Variants in RELN observed in about 807,000 individuals in gnomAD.
RELN encodes the protein reelin.
In RELN, 108 loss-of-function variants were observed where a neutral mutation model predicts 427.6. That is an observed-to-expected ratio of 0.25 (90% CI 0.22 to 0.30). The LOEUF (loss-of-function observed/expected upper bound fraction) is 0.30, where lower values mean the gene tolerates loss of function less well. Ranked by LOEUF, RELN falls within the 10% of genes least tolerant of loss-of-function variation. RELN has a pLI of 1.00. For synonymous variants in RELN, 1,524 were observed against 1,513.4 expected, an observed-to-expected ratio of 1.01 and a Z score of -0.16; for missense variants, 3,715 against 4,302.8, an observed-to-expected ratio of 0.86 and a Z score of 3.82.
intron 1 of RELN, among the ~76,000 whole-genome samples, chr7:103,925,967 CTATTA>C (rs942575875): frequency 6.6e-6 from 1 of 151,950 alleles, no homozygotes; most frequent in South Asian, 2.1e-4. Context: ...TTTTCTGTTT[CTATTA>C]TGTTTTTTTT....
chr7:103,763,070 G>A (rs1182617470), intron 4 of RELN, among the ~76,000 whole-genome samples: 1 of 152,182 alleles, frequency 6.6e-6, no homozygotes, highest in African/African-American at 2.4e-5. Context: ...TACACAGACT[G>A]TATAGAAGTT....
At chr7:103,577,777 G>A (rs550430425) in intron 28 of RELN, among the ~76,000 whole-genome samples, 1 of 152,326 alleles carries the variant, frequency 6.6e-6, no homozygotes, top group Non-Finnish European at 1.5e-5. Flanking sequence ...TGATAAATGA[G>A]GAAAACATGC....
intron 2 of RELN, among the ~76,000 whole-genome samples, chr7:103,869,416 A>C (rs1026979188): frequency 5.3e-5 from 8 of 152,058 alleles, no homozygotes; most frequent in Non-Finnish European, 1.2e-4. Context: ...ATCTAAAAGA[A>C]TGTTGTCTAG....
Position 103,875,855 on chromosome 7 carries a change from T to C in RELN, c.337+41220A>G, listed in dbSNP as rs146240538. ...ATGATTCTGAAATGATTCAAGAGAA[T>C]GAAATTTCCTTGCAGTAAGATGATT... is the stretch of plus-strand genomic sequence containing the variant. On this transcript the variant is annotated intron_variant, in intron 2 of 64. Transcript: ENST00000428762. Among the ~76,000 whole-genome samples, 189 of 152,252 alleles carry C rather than the reference T, an allele frequency of 1.2e-3. 1 individual carries two copies. The highest frequency in any genetic ancestry group is 4.0e-3 in the African/African-American group (165 of 41,568).
At chr7:103,654,570 C>G (rs1441540256) in intron 12 of RELN, among the ~76,000 whole-genome samples, 1 of 152,058 alleles carries the variant, frequency 6.6e-6, no homozygotes, top group African/African-American at 2.4e-5. Context: ...GACCAAAGTT[C>G]AGAACCTGTT....
chr7:103,843,843 A>C (rs1322201514), intron 2 of RELN, among the ~76,000 whole-genome samples: 4 of 152,118 alleles, frequency 2.6e-5, no homozygotes, highest in Non-Finnish European at 5.9e-5. Context: ...CCTGTCTGTA[A>C]TGGAAGCTCT....
Position 103,554,261 on chromosome 7 carries a change from G to T in RELN, c.5798-430C>A, listed in dbSNP as rs116650076. ...GGGAAAAAAAAAACATAAAGTACTT[G>T]TCAGTACTTTGTATATTGTCAGTGA... On this transcript the variant is annotated intron_variant, in intron 38 of 64. Coordinates refer to ENST00000428762, the MANE Select transcript of RELN (RefSeq NM_005045.4). Among the ~76,000 whole-genome samples the T allele has an allele frequency of 7.1e-3, 1,076 of 151,716 alleles. 11 individuals carry two copies. The highest frequency in any genetic ancestry group is 0.025 in the African/African-American group (1,033 of 41,408).
intron 49 of RELN, among the ~76,000 whole-genome samples, chr7:103,516,928 C>T (rs2528865): frequency 0.23 from 34,693 of 151,890 alleles, 5,076 homozygotes; most frequent in East Asian, 0.52. Context: ...ATGCTTTTAG[C>T]TGGATTTATA....
intron 10 of RELN, among the ~76,000 whole-genome samples, chr7:103,689,244 A>G (rs1283970911): frequency 6.6e-6 from 1 of 152,098 alleles, no homozygotes; most frequent in African/African-American, 2.4e-5. Flanking sequence ...CACACAATGA[A>G]CTAGGGTAAT....
intron 2 of RELN, among the ~76,000 whole-genome samples, chr7:103,851,443 T>G (rs1484334410): frequency 1.3e-5 from 2 of 152,102 alleles, no homozygotes; most frequent in Non-Finnish European, 2.9e-5. Context: ...AAGAACTTAC[T>G]CATGTAACAA....
chr7:103,946,673 C>A (rs2116751474), intron 1 of RELN, among the ~76,000 whole-genome samples: 1 of 152,284 alleles, frequency 6.6e-6, no homozygotes. Context: ...AACTGAATAA[C>A]AATAGAGTTG....
intron 46 of RELN, among the ~76,000 whole-genome samples, chr7:103,534,223 C>G (rs1244250546): frequency 6.6e-6 from 1 of 152,182 alleles, no homozygotes; most frequent in Non-Finnish European, 1.5e-5. Flanking sequence ...AACTCCTGTT[C>G]CACACACTGG....
chr7:103,594,936 T>C (rs978813917), intron 25 of RELN, among the ~76,000 whole-genome samples: 1 of 152,206 alleles, frequency 6.6e-6, no homozygotes, highest in Non-Finnish European at 1.5e-5. Flanking sequence ...ATCTACTACA[T>C]AGCGTTGGCT....
chr7:103,597,043 G>A (rs1249576775), intron 24 of RELN, among the ~76,000 whole-genome samples: 1 of 152,174 alleles, frequency 6.6e-6, no homozygotes, highest in African/African-American at 2.4e-5. Context: ...GTTGGAGCTG[G>A]GTTTGAATCT....
chr7:103,472,355 G>C lies in RELN; in HGVS notation c.*457C>G, dbSNP rs1827885477. 1 of 205,190 alleles carries C rather than the reference G, an allele frequency of 4.9e-6. No individual in the cohort carries two copies. The highest frequency in any genetic ancestry group is 1.0e-5 in the Non-Finnish European group (1 of 99,818). The allele number at this position is 205,190 out of a possible 1,614,324, so 12.7% of individuals were successfully genotyped here. A position where few individuals can be genotyped will look rare whatever the true frequency, so the allele number is the denominator to read the frequency against. On this transcript the variant is annotated 3_prime_UTR_variant, in exon 65 of 65. Coordinates refer to ENST00000428762, the MANE Select transcript of RELN (RefSeq NM_005045.4). ...TACAGTTTCAATGTGTTGTATTGTAGAAGAGAATACATAAAGGACAAACAA... is the reference window on the plus strand; with the variant it reads ...TACAGTTTCAATGTGTTGTATTGTACAAGAGAATACATAAAGGACAAACAA...
intron 1 of RELN, among the ~76,000 whole-genome samples, chr7:103,935,387 G>A (rs190426312): frequency 3.3e-4 from 50 of 151,912 alleles, no homozygotes; most frequent in African/African-American, 1.2e-3. Flanking sequence ...CCTCTGTCCC[G>A]GTCTACTCTC....
chr7:103,493,622 A>G (rs912308519), intron 57 of RELN, among the ~76,000 whole-genome samples: 1 of 152,164 alleles, frequency 6.6e-6, no homozygotes, highest in South Asian at 2.1e-4. Flanking sequence ...GAGAGAAGAA[A>G]GTTGATACAT....
At chr7:103,579,215 T>G (rs1429282135) in intron 28 of RELN, among the ~76,000 whole-genome samples, 1 of 152,228 alleles carries the variant, frequency 6.6e-6, no homozygotes, top group East Asian at 1.9e-4. Flanking sequence ...GAGCATCTGA[T>G]AGAGGTCTTG....
At chr7:103,560,664 G>C (rs1297448953) in intron 36 of RELN, among the ~76,000 whole-genome samples, 2 of 152,144 alleles carry the variant, frequency 1.3e-5, no homozygotes, top group Non-Finnish European at 2.9e-5. Flanking sequence ...AAAACCAGGA[G>C]TTTCCACTCT....
Sources: allele counts gnomAD v4.1 joint callset (sites outside exome capture counted in the v4.1 genomes callset), GRCh38; gene constraint gnomAD v4.1.1; transcripts MANE v1.5; gene names NCBI Gene and HGNC (gene_info 2026-07-23, HGNC 2026-07-21).